SRC: variants seen among roughly 807,000 people sequenced by gnomAD.
SRC encodes the protein SRC proto-oncogene, non-receptor tyrosine kinase, also known as proto-oncogene tyrosine-protein kinase Src.
In SRC, 13 loss-of-function variants were observed where a neutral mutation model predicts 62.9. The observed-to-expected ratio is 0.21, with a 90% CI of 0.13 to 0.33. SRC has a LOEUF of 0.33. Among genes scored for constraint, SRC ranks in the 10% least tolerant of loss-of-function variants. The pLI is 1.00. For missense variants in SRC, 457 were observed against 737.3 expected (o/e 0.62, Z 4.40); for synonymous variants, 302 against 317.5 (o/e 0.95, Z 0.52).
intron 1 of SRC, among the ~76,000 whole-genome samples, chr20:37,364,038 A>G (rs1298410156): frequency 6.6e-6 from 1 of 151,262 alleles, no homozygotes; most frequent in African/African-American, 2.4e-5. Context: ...TACACCCACC[A>G]CTGCTCTTCC....
At chr20:37,361,681 G>A (rs1462790145) in intron 1 of SRC, among the ~76,000 whole-genome samples, 4 of 152,246 alleles carry the variant, frequency 2.6e-5, no homozygotes, top group East Asian at 1.9e-4. Context: ...GGGGGCTCTC[G>A]GAAAGATGAC....
At chr20:37,394,139 A>T (rs2070599114) in intron 6 of SRC, 35 bp from the exon 7 acceptor site, 5 of 1,597,390 alleles carry the variant, frequency 3.1e-6, no homozygotes, top group Non-Finnish European at 4.3e-6. Context: ...AGAAGCCTGG[A>T]CAGTCAGCAC....
intron 1 of SRC, among the ~76,000 whole-genome samples, chr20:37,349,162 C>T (rs2069764756): frequency 6.6e-6 from 1 of 152,160 alleles, no homozygotes. Flanking sequence ...AGAAATAGAT[C>T]TGATGATAGA....
intron 2 of SRC, among the ~76,000 whole-genome samples, chr20:37,366,205 G>A (rs1227970280): frequency 6.6e-6 from 1 of 152,070 alleles, no homozygotes; most frequent in African/African-American, 2.4e-5. Flanking sequence ...AATTGTGATA[G>A]GTATTGCCAA....
At chr20:37,390,220 G>A (rs2070524603) in intron 5 of SRC, among the ~76,000 whole-genome samples, 2 of 152,154 alleles carry the variant, frequency 1.3e-5, no homozygotes, top group Admixed American at 1.3e-4. Flanking sequence ...AGAGGGCAGG[G>A]TACTTGCCCA....
In SRC at chr20:37,365,233, G is replaced by A. The variant is rs1343103934; in HGVS notation, c.-217G>A. 6.6e-6 allele frequency: 1 copy of A among 151,870 alleles called. No homozygotes were observed. The highest frequency in any genetic ancestry group is 1.5e-5 in the Non-Finnish European group (1 of 68,016). 9.4% of individuals were successfully genotyped at this position (151,870 alleles called of 1,614,324 possible). Reference sequence around the variant, plus strand: ...GAGAACAGAAGCTCAGAGAAGTGAAGCAACTTGCCCAGCTATGAGAGACAG... The same window carrying A: ...GAGAACAGAAGCTCAGAGAAGTGAAACAACTTGCCCAGCTATGAGAGACAG... On this transcript the variant is annotated 5_prime_UTR_variant, in exon 2 of 14. Transcript: ENST00000373578.
At chr20:37,393,098 C>A (rs970402490) in intron 5 of SRC, among the ~76,000 whole-genome samples, 1 of 152,148 alleles carries the variant, frequency 6.6e-6, no homozygotes, top group Non-Finnish European at 1.5e-5. Flanking sequence ...CCCCATCACA[C>A]CCCCCACTCC....
intron 5 of SRC, among the ~76,000 whole-genome samples, chr20:37,389,406 C>T (rs1402436316): frequency 6.6e-6 from 1 of 152,206 alleles, no homozygotes; most frequent in Non-Finnish European, 1.5e-5. Context: ...GGCATGGCGG[C>T]AGGGGGCACC....
At chr20:37,395,274 TCTC>T (rs1405966499) in intron 7 of SRC, among the ~76,000 whole-genome samples, 14 of 152,204 alleles carry the variant, frequency 9.2e-5, no homozygotes, top group African/African-American at 2.7e-4. Flanking sequence ...GGGATTGTAA[TCTC>T]CTGAAGATCG....
chr20:37,386,443 C>G (rs1179763731), intron 5 of SRC: 5 of 717,066 alleles, frequency 7.0e-6, no homozygotes, highest in East Asian at 2.7e-5. Context: ...CTCTGCTTCT[C>G]TCTCGCTGGC....
At chr20:37,400,669 A>T (rs371085411) in intron 10 of SRC, among the ~76,000 whole-genome samples, 2 of 152,108 alleles carry the variant, frequency 1.3e-5, no homozygotes, top group Admixed American at 1.3e-4. Flanking sequence ...GGTGTGAGCC[A>T]CAGTAATTTT....
At chr20:37,401,167 T>C (rs2070731636) in intron 10 of SRC, among the ~76,000 whole-genome samples, 1 of 152,080 alleles carries the variant, frequency 6.6e-6, no homozygotes, top group South Asian at 2.1e-4. Flanking sequence ...CAGCTACTTT[T>C]TTTTTTCGTA....
rs1030368630 is a variant in SRC at position 37,397,468 on chromosome 20, A to G, written c.704-231A>G. Among the ~76,000 whole-genome samples, 1 of 152,126 alleles carries G rather than the reference A, an allele frequency of 6.6e-6. No homozygotes were observed. The highest frequency in any genetic ancestry group is 1.5e-5 in the Non-Finnish European group (1 of 68,024). On this transcript the variant is annotated intron_variant, in intron 8 of 13. Coordinates refer to ENST00000373578, the MANE Select transcript of SRC (RefSeq NM_198291.3). This position sits in a 1 kb window ranked among gnomAD's most constrained non-coding sequence, Gnocchi z 4.1. ...CCCCGCAGGGTTCCTGGCACCCCCT[A>G]CTGTCTGCTGAATGACTGACTGAAT...
intron 2 of SRC, among the ~76,000 whole-genome samples, chr20:37,370,431 C>A (rs547611270): frequency 3.3e-5 from 5 of 152,220 alleles, no homozygotes; most frequent in Admixed American, 3.3e-4. Flanking sequence ...AAAAATTAGC[C>A]GGCTGTGCTG....
intron 5 of SRC, among the ~76,000 whole-genome samples, chr20:37,391,082 T>A (rs1283958212): frequency 6.6e-6 from 1 of 152,216 alleles, no homozygotes; most frequent in Non-Finnish European, 1.5e-5. Flanking sequence ...TGGGCCCTGC[T>A]TGGCTGGCCT....
chr20:37,356,412 G>A (rs1434777799), intron 1 of SRC, among the ~76,000 whole-genome samples: 1 of 152,170 alleles, frequency 6.6e-6, no homozygotes, highest in Non-Finnish European at 1.5e-5. Context: ...CAGGGTCAGT[G>A]TGGCTTCAGT....
At position 37,398,112 on chromosome 20, in the gene SRC, C is replaced by T. The variant is rs866883698; in HGVS notation, c.859+258C>T. Among the ~76,000 whole-genome samples the T allele has an allele frequency of 7.2e-5, 11 of 152,088 alleles. No individual in the cohort carries two copies. The highest frequency in any genetic ancestry group is 2.7e-4 in the African/African-American group (11 of 41,396). On this transcript the variant is annotated intron_variant, in intron 9 of 13. Coordinates refer to ENST00000373578, the MANE Select transcript of SRC (RefSeq NM_198291.3). The surrounding 1 kb of genome is among the most constrained non-coding windows in gnomAD (Gnocchi z 5.2). ...GCATTGCACAGACCTGCTGTGTAGG[C>T]TGGGCCCGGTGGCCTCACTCAGAGC...
intron 5 of SRC, among the ~76,000 whole-genome samples, chr20:37,390,230 A>C (rs2070524767): frequency 6.6e-6 from 1 of 152,192 alleles, no homozygotes; most frequent in Non-Finnish European, 1.5e-5. Flanking sequence ...GTACTTGCCC[A>C]AGATCACACA....
chr20:37,404,517 C>T lies in SRC; in HGVS notation c.*1138C>T, dbSNP rs1282910853. 4.3e-6 allele frequency: 1 copy of T among 233,616 alleles called. No individual in the cohort carries two copies. The allele number at this position is 233,616 out of a possible 1,614,324, so 14.5% of individuals were successfully genotyped here. A position where few individuals can be genotyped will look rare whatever the true frequency, so the allele number is the denominator to read the frequency against. On this transcript the variant is annotated 3_prime_UTR_variant, in exon 14 of 14. Transcript: ENST00000373578. ...TGGCATTTCAATTCCTGGCCCTGTTCTCCTCCCCAAGTCGGCACCCTTTAA... is the reference window on the plus strand; with the variant it reads ...TGGCATTTCAATTCCTGGCCCTGTTTTCCTCCCCAAGTCGGCACCCTTTAA...
Sources: gnomAD v4.1 joint callset for allele counts (sites outside exome capture counted in the v4.1 genomes callset) on GRCh38, gnomAD v4.1.1 for gene constraint, Gnocchi (gnomAD v3.1) non-coding constraint, MANE v1.5 for transcripts, NCBI Gene and HGNC (gene_info 2026-07-23, HGNC 2026-07-21) for gene names.